CSMD2: variants seen among roughly 807,000 people sequenced by gnomAD.
CSMD2 encodes CUB and Sushi multiple domains 2, also known as CUB and sushi domain-containing protein 2.
In CSMD2, 130 loss-of-function variants were observed where a neutral mutation model predicts 398.5. The ratio of observed to expected loss-of-function variants is 0.33; its 90% CI spans 0.28 to 0.38. CSMD2 has a LOEUF of 0.38. CSMD2 is among the 10% of genes least tolerant of loss of function. CSMD2 has a pLI of 1.00. For missense variants in CSMD2, 3,829 were observed against 4,764.9 expected, an observed-to-expected ratio of 0.80 and a Z score of 5.78; for synonymous variants, 1,828 against 1,908.5, an observed-to-expected ratio of 0.96 and a Z score of 1.10.
At chr1:34,131,349 G>C (rs561319213) in intron 1 of CSMD2, among the ~76,000 whole-genome samples, 3 of 152,056 alleles carry the variant, frequency 2.0e-5, no homozygotes, top group Admixed American at 6.5e-5. Context: ...TGCAGGAGAG[G>C]GGGGGGTCTT....
chr1:33,829,215 G>A (rs1659182716), intron 6 of CSMD2, among the ~76,000 whole-genome samples: 1 of 152,108 alleles, frequency 6.6e-6, no homozygotes, highest in Non-Finnish European at 1.5e-5. Context: ...GTATATTCAG[G>A]CCCAGCTGAT....
chr1:33,842,888 G>A (rs966468640), intron 6 of CSMD2, among the ~76,000 whole-genome samples: 1 of 152,204 alleles, frequency 6.6e-6, no homozygotes, highest in Non-Finnish European at 1.5e-5. Context: ...AGTAGTTGTG[G>A]TTCATTAGAT....
chr1:33,696,882 G>A (rs758294005), intron 24 of CSMD2, among the ~76,000 whole-genome samples: 2 of 152,108 alleles, frequency 1.3e-5, no homozygotes, highest in African/African-American at 2.4e-5. Flanking sequence ...TCCACTCACC[G>A]AAGAATAAAA....
At chr1:34,044,721 A>G (rs1395427873) in intron 2 of CSMD2, among the ~76,000 whole-genome samples, 1 of 152,230 alleles carries the variant, frequency 6.6e-6, no homozygotes, top group Non-Finnish European at 1.5e-5. Context: ...AAACTAATAT[A>G]GAATTACCTA....
chr1:33,587,285 T>G (rs1021724039), intron 44 of CSMD2, 117 bp from the exon 45 acceptor site: 1 of 777,166 alleles, frequency 1.3e-6, no homozygotes, highest in Non-Finnish European at 2.1e-6. Flanking sequence ...CAGATATTCA[T>G]GAGTACTTAT....
At chr1:33,523,281 G>A (rs1654473341) in intron 67 of CSMD2, 26 bp downstream of exon 67, 1 of 1,065,336 alleles carries the variant, frequency 9.4e-7, no homozygotes, top group Admixed American at 1.7e-5. Flanking sequence ...GGGAGTCAGG[G>A]GAGGAGGTGA....
intron 5 of CSMD2, among the ~76,000 whole-genome samples, chr1:33,877,393 G>T (rs1205531476): frequency 1.3e-5 from 2 of 152,118 alleles, no homozygotes; most frequent in African/African-American, 4.8e-5. Flanking sequence ...TGTCGCACTG[G>T]GGGAGATGAG....
rs996896573 is a variant in CSMD2 at position 34,148,777 on chromosome 1, G to A, written c.187+16134C>T. On this transcript the variant is annotated intron_variant, in intron 1 of 70. Transcript: ENST00000373381. ...ACTAGGACGAAGGTTTGCTGGGGTC[G>A]GCCTTATTCTAAAGTCTGTGCTCAG... is the stretch of plus-strand genomic sequence containing the variant. 4.6e-5 allele frequency among the ~76,000 whole-genome samples: 7 copies of A among 152,252 alleles called. No homozygotes were observed. In the South Asian group the frequency reaches 6.2e-4, roughly 14 times the overall value.
intron 27 of CSMD2, 56 bp from the exon 28 acceptor site, chr1:33,652,517 A>C: frequency 6.3e-7 from 1 of 1,598,660 alleles, no homozygotes; most frequent in Non-Finnish European, 8.6e-7. Context: ...GCTCATTTTC[A>C]TGGGTGTTGC....
At chr1:34,087,276 C>G (rs1023628084) in intron 2 of CSMD2, among the ~76,000 whole-genome samples, 153 of 152,134 alleles carry the variant, frequency 1.0e-3, no homozygotes, top group African/African-American at 3.6e-3. Flanking sequence ...CCTATAAAAA[C>G]CAGCAATCAC....
chr1:33,658,170 C>T (rs1157604479), intron 26 of CSMD2, 33 bp from the exon 27 acceptor site: 8 of 1,585,966 alleles, frequency 5.0e-6, no homozygotes, highest in East Asian at 4.5e-5. Flanking sequence ...AGGGTAAGGT[C>T]GCCTGGGTGT....
At chr1:34,033,214 A>G (rs1650681956) in intron 2 of CSMD2, among the ~76,000 whole-genome samples, 1 of 152,250 alleles carries the variant, frequency 6.6e-6, no homozygotes, top group Admixed American at 6.5e-5. Flanking sequence ...AAAGCAAAAA[A>G]TAAAAAACCA....
intron 4 of CSMD2, among the ~76,000 whole-genome samples, chr1:33,935,509 G>A (rs143682030): frequency 4.5e-4 from 68 of 152,286 alleles, no homozygotes; most frequent in African/African-American, 1.4e-3. Context: ...AGGGAAGACT[G>A]GCTACATATA....
chr1:33,554,214 CAG>C (rs1557526523), intron 55 of CSMD2, among the ~76,000 whole-genome samples: 2 of 96,828 alleles, frequency 2.1e-5, no homozygotes, highest in African/African-American at 8.5e-5. Flanking sequence ...TTTTTTGAGA[CAG>C]AGTCTTGCTC....
intron 12 of CSMD2, among the ~76,000 whole-genome samples, chr1:33,784,777 G>T (rs556732407): frequency 6.6e-6 from 1 of 152,254 alleles, no homozygotes; most frequent in East Asian, 1.9e-4. Flanking sequence ...ACACCCCCAG[G>T]GAAGGCACCA....
rs371734201 is a variant in CSMD2, at chr1:33,567,803, G to A, written c.8170C>T (p.Leu2724Phe). 39 of 1,606,484 alleles carry A rather than the reference G, an allele frequency of 2.4e-5. No homozygotes were observed. The highest frequency in any genetic ancestry group is 3.3e-5 in the Non-Finnish European group (39 of 1,176,180). ...GATGGGGAAGAGAGTACATCGAAGA[G>A]GAGCTTATAGAAAATGGAGTGGAGC... The part of the protein sequence containing the change: ...TKLHSIFYKL[L>F]FDVLSSPSLT... The change falls in exon 53 of 71, where the codon CTC (leucine) becomes TTC (phenylalanine). Residue 2724 changes from leucine (L) to phenylalanine (F), a missense_variant. Physicochemically the swap from Leu to Phe is conservative, Grantham distance 22. This residue lies in a region of CSMD2 where 723 missense variants were observed against 758.6 expected (regional missense o/e 0.95). Transcript: ENST00000373381.
intron 3 of CSMD2, among the ~76,000 whole-genome samples, chr1:33,959,856 T>A (rs1158829662): frequency 6.6e-6 from 1 of 152,206 alleles, no homozygotes; most frequent in Non-Finnish European, 1.5e-5. Context: ...TCTGAAATTA[T>A]TTTTTGATTG....
At chr1:33,975,529 C>T (rs1020346712) in intron 3 of CSMD2, among the ~76,000 whole-genome samples, 9 of 112,942 alleles carry the variant, frequency 8.0e-5, no homozygotes, top group Non-Finnish European at 1.2e-4. Context: ...ATAAATGTCC[C>T]AAGTCCACCG....
intron 5 of CSMD2, among the ~76,000 whole-genome samples, chr1:33,858,492 T>C (rs958110188): frequency 6.6e-6 from 1 of 152,210 alleles, no homozygotes; most frequent in Non-Finnish European, 1.5e-5. Flanking sequence ...CTGCCACTTA[T>C]TGCTGTGTGG....
Sources: allele counts gnomAD v4.1 joint callset (sites outside exome capture counted in the v4.1 genomes callset), GRCh38; gene constraint gnomAD v4.1.1; regional missense constraint gnomAD v4.1.1; transcripts MANE v1.5; gene names NCBI Gene and HGNC (gene_info 2026-07-23, HGNC 2026-07-21).